Variants in ALDOB observed in about 807,000 individuals in gnomAD.
ALDOB encodes aldolase, fructose-bisphosphate B, also known as fructose-bisphosphate aldolase B.
ALDOB carries 39 observed loss-of-function variants against 41.0 expected under a neutral mutation model. That is an observed-to-expected ratio of 0.95 (90% CI 0.74 to 1.24). ALDOB has a LOEUF of 1.24. Ranked by LOEUF, ALDOB falls within the 50% of genes most tolerant of loss-of-function variation. The pLI is 0.00. For synonymous variants in ALDOB, 175 were observed against 168.8 expected (o/e 1.04, Z -0.28); for missense variants, 530 against 457.3 (o/e 1.16, Z -1.45).
intron 3 of ALDOB, 126 bp from the exon 4 acceptor site, chr9:101,428,649 G>A: frequency 2.4e-6 from 2 of 846,446 alleles, no homozygotes; most frequent in Admixed American, 3.5e-5. Flanking sequence ...TTAGTGCGAG[G>A]GACCCAGTTC....
intron 1 of ALDOB, among the ~76,000 whole-genome samples, chr9:101,434,728 G>A (rs1831268181): frequency 6.6e-6 from 1 of 152,144 alleles, no homozygotes. Context: ...AACGAGTCCT[G>A]AATGGTGCTC....
At chr9:101,426,722 G>A in intron 5 of ALDOB, 84 bp from the exon 6 acceptor site, 1 of 856,092 alleles carries the variant, frequency 1.2e-6, no homozygotes, top group Non-Finnish European at 2.0e-6. Flanking sequence ...AGTTGCAATT[G>A]GTATAAATTG....
rs139448480 is a variant in ALDOB at position 101,429,396 on chromosome 9, C to T, written c.324+359G>A. On this transcript the variant is annotated intron_variant, in intron 3 of 8. Transcript: ENST00000647789. ...CTGGTCTCAAACTCCTGAGCTCAAG[C>T]GATCCTCTTGCCTCTGCCTTCCAAA... Among the ~76,000 whole-genome samples the T allele has an allele frequency of 2.8e-3, 422 of 152,212 alleles. 4 individuals carry two copies. The highest frequency in any genetic ancestry group is 9.5e-3 in the African/African-American group (393 of 41,542).
rs372517712 is a variant in ALDOB at position 101,427,687 on chromosome 9, C to T, written c.380-45G>A. The T allele has an allele frequency of 3.4e-5, 54 of 1,610,848 alleles. No individual in the cohort carries two copies. In the African/African-American group the frequency reaches 5.5e-4, roughly 16 times the overall value. The stretch of plus-strand genomic sequence containing the variant: ...GAAAGGCTTCTTTGTACCTTTGTAC[C>T]TGATCCATGGGGCTTCTAATAAAGG... On this transcript the variant is annotated intron_variant, in intron 4 of 8. Transcript: ENST00000647789.
At position 101,434,326 on chromosome 9, in the gene ALDOB, T is replaced by C. The variant is rs181464736; in HGVS notation, c.-11+1383A>G. 3.0e-3 allele frequency among the ~76,000 whole-genome samples: 458 copies of C among 152,330 alleles called. 1 individual carries two copies. Among genetic ancestry groups the C allele is most frequent in the Non-Finnish European group, 2.8e-3 (188 of 68,028 alleles). ...TTGCAAGTTACATCCTATTGGCTTA[T>C]GACTTAGAATTCTATTTCTAATCCT... On this transcript the variant is annotated intron_variant, in intron 1 of 8. Coordinates refer to ENST00000647789, the MANE Select transcript of ALDOB (RefSeq NM_000035.4).
intron 7 of ALDOB, 22 bp from the exon 8 acceptor site, chr9:101,425,064 C>T (rs1289990283): frequency 1.2e-6 from 2 of 1,613,382 alleles, no homozygotes; most frequent in African/African-American, 2.7e-5. Flanking sequence ...GAAGCCATTT[C>T]ACTCTATTAG....
rs1831148819 is a variant in ALDOB at position 101,427,510 on chromosome 9, A to G, written c.512T>C (p.Leu171Pro). ...CTGACAGATGCTGGCGTAGCGAGCC[A>G]GGGCGTTGGCGTTTTCCTGGATAGC... is the stretch of plus-strand genomic sequence containing the variant. ...SLAIQENANA[L>P]ARYASICQQN... The change falls in exon 5 of 9, where the codon CTG becomes CCG. Residue 171 changes from leucine to proline, a missense_variant. Physicochemically the swap from Leu to Pro is moderately conservative, Grantham distance 98. Transcript: ENST00000647789. 1 of 1,614,108 alleles carries G rather than the reference A, an allele frequency of 6.2e-7. No individual in the cohort carries two copies. The highest frequency in any genetic ancestry group is 1.7e-5 in the Admixed American group (1 of 60,008).
At chr9:101,427,348 G>T (rs1468440597) in intron 5 of ALDOB, 134 bp downstream of exon 5, 5 of 1,191,664 alleles carry the variant, frequency 4.2e-6, no homozygotes, top group Non-Finnish European at 5.9e-6. Flanking sequence ...TATAGCAAAA[G>T]TTGTGAAAAA....
In ALDOB at chr9:101,430,929, A is replaced by G. The variant is rs772983139; in HGVS notation, c.-10-32T>C. On this transcript the variant is annotated intron_variant, in intron 1 of 8. Coordinates refer to ENST00000647789, the MANE Select transcript of ALDOB (RefSeq NM_000035.4). ...AAGAGTGTGCGAGAGTTGTGCACAGAACCATGGGTGGCTCAGATGGATGCA... is the reference window on the plus strand; with the variant it reads ...AAGAGTGTGCGAGAGTTGTGCACAGGACCATGGGTGGCTCAGATGGATGCA... 2.7e-6 allele frequency: 4 copies of G among 1,483,780 alleles called. No homozygotes were observed. The African/African-American group carries it at 5.5e-5, about 21-fold the overall frequency. 91.9% of individuals were successfully genotyped at this position (1,483,780 alleles called of 1,614,324 possible).
intron 3 of ALDOB, among the ~76,000 whole-genome samples, chr9:101,429,145 T>TG (rs1022237941): frequency 5.3e-5 from 8 of 151,788 alleles, no homozygotes; most frequent in Non-Finnish European, 8.8e-5. Context: ...CTTTCTTTTT[T>TG]TTTTTTTTTA....
At chr9:101,429,686 T>G (rs1831185647) in intron 3 of ALDOB, 69 bp downstream of exon 3, 1 of 1,405,966 alleles carries the variant, frequency 7.1e-7, no homozygotes, top group Non-Finnish European at 1.0e-6. Flanking sequence ...GTGTTGGCCC[T>G]GTCCTTGCCA....
chr9:101,428,554 A>G (rs745651254), intron 3 of ALDOB, 31 bp from the exon 4 acceptor site: 1 of 1,577,812 alleles, frequency 6.3e-7, no homozygotes, highest in African/African-American at 1.3e-5. Flanking sequence ...CAGGTGTCAG[A>G]TGTCAGGAAA....
chr9:101,426,358 C>T (rs1831128349), intron 6 of ALDOB, among the ~76,000 whole-genome samples, 197 bp downstream of exon 6: 1 of 152,194 alleles, frequency 6.6e-6, no homozygotes, highest in African/African-American at 2.4e-5. Context: ...CTTGGTACTG[C>T]AACTCCTGTG....
rs115612225 is a variant in ALDOB, at chr9:101,422,708, G to A, written c.1000-804C>T. 4.1e-3 allele frequency among the ~76,000 whole-genome samples: 629 copies of A among 152,276 alleles called. 4 individuals carry two copies. The highest frequency in any genetic ancestry group is 0.014 in the African/African-American group (601 of 41,548). On this transcript the variant is annotated intron_variant, in intron 8 of 8. Transcript: ENST00000647789. ...CTAGTGTTTGATACAACAGTAAGATGACTATAGTTAACAATGATTTATTAC... is the reference window on the plus strand; with the variant it reads ...CTAGTGTTTGATACAACAGTAAGATAACTATAGTTAACAATGATTTATTAC...
chr9:101,434,481 AT>A (rs1232371439), intron 1 of ALDOB, among the ~76,000 whole-genome samples: 1 of 152,240 alleles, frequency 6.6e-6, no homozygotes, highest in African/African-American at 2.4e-5. Flanking sequence ...CAGAAAGTTC[AT>A]TTGCTTCTCT....
chr9:101,428,150 AAAT>A (rs1831157825), intron 4 of ALDOB, among the ~76,000 whole-genome samples: 1 of 152,184 alleles, frequency 6.6e-6, no homozygotes, highest in South Asian at 2.1e-4. Context: ...TTTTTTCTAA[AAAT>A]AATACTTCCG....
chr9:101,425,670 C>A (rs1020052060), intron 6 of ALDOB, 43 bp from the exon 7 acceptor site: 3 of 1,605,402 alleles, frequency 1.9e-6, no homozygotes, highest in East Asian at 2.2e-5. Flanking sequence ...CAAAGCTAGT[C>A]ATAGAGCCAC....
chr9:101,427,407 T>C (rs1432780244), intron 5 of ALDOB, 75 bp downstream of exon 5: 5 of 1,555,570 alleles, frequency 3.2e-6, no homozygotes, highest in Admixed American at 3.4e-5. Context: ...TTTGTAGTTA[T>C]AGTATAATTG....
chr9:101,426,856 C>G (rs1244289464), intron 5 of ALDOB, among the ~76,000 whole-genome samples: 1 of 152,210 alleles, frequency 6.6e-6, no homozygotes, highest in African/African-American at 2.4e-5. Context: ...CTAGCTGCCT[C>G]AGAACCTAGC....
Sources: allele counts gnomAD v4.1 joint callset (sites outside exome capture counted in the v4.1 genomes callset), GRCh38; gene constraint gnomAD v4.1.1; transcripts MANE v1.5; gene names NCBI Gene and HGNC (gene_info 2026-07-23, HGNC 2026-07-21).